SUPT3H: variants seen among roughly 807,000 people sequenced by gnomAD.
The protein encoded by SUPT3H is SPT3 homolog, SAGA and STAGA complex component, also known as transcription initiation protein SPT3 homolog.
A neutral mutation model predicts 44.3 loss-of-function variants in SUPT3H; 44 were observed. The ratio of observed to expected loss-of-function variants is 0.99; its 90% confidence interval spans 0.78 to 1.28. The LOEUF (loss-of-function observed/expected upper bound fraction) is 1.28. SUPT3H is among the 50% of genes most tolerant of loss of function. SUPT3H has a pLI of 0.00. For synonymous variants in SUPT3H, 124 were observed against 125.6 expected, an observed-to-expected ratio of 0.99 and a Z score of 0.09; for missense variants, 380 against 387.1, an observed-to-expected ratio of 0.98 and a Z score of 0.15.
chr6:44,833,981 C>T (rs748700464), intron 10 of SUPT3H, among the ~76,000 whole-genome samples: 4 of 152,172 alleles, frequency 2.6e-5, no homozygotes, highest in Non-Finnish European at 5.9e-5. Flanking sequence ...GCTTTCTCAA[C>T]TACTGCTTAT....
At chr6:45,180,582 A>G (rs1050580669) in intron 2 of SUPT3H, among the ~76,000 whole-genome samples, 80 of 151,508 alleles carry the variant, frequency 5.3e-4, no homozygotes, top group African/African-American at 1.9e-3. Flanking sequence ...CAACTATCTG[A>G]TCTTTGACAA....
chr6:45,082,248 C>T (rs1795908100), intron 3 of SUPT3H, among the ~76,000 whole-genome samples: 1 of 151,700 alleles, frequency 6.6e-6, no homozygotes, highest in Non-Finnish European at 1.5e-5. Flanking sequence ...TGAAACTATT[C>T]CAAAAAAATG....
intron 10 of SUPT3H, among the ~76,000 whole-genome samples, chr6:44,897,262 A>G (rs893651617): frequency 6.6e-6 from 1 of 152,236 alleles, no homozygotes; most frequent in African/African-American, 2.4e-5. Flanking sequence ...TTTCGACAGA[A>G]TATCGGGTTT....
chr6:44,887,588 A>G (rs1482239145), intron 10 of SUPT3H, among the ~76,000 whole-genome samples: 28 of 152,098 alleles, frequency 1.8e-4, no homozygotes, highest in Non-Finnish European at 4.1e-4. Context: ...AAGACACAAC[A>G]TACCAGAATC....
intron 2 of SUPT3H, among the ~76,000 whole-genome samples, chr6:45,186,155 T>C (rs1814177287): frequency 6.6e-6 from 1 of 152,130 alleles, no homozygotes; most frequent in Non-Finnish European, 1.5e-5. Context: ...GTAGTGGTAC[T>C]GGGGGAAAGG....
rs148872729 is a variant in SUPT3H at position 45,289,071 on chromosome 6, T to G, written c.101+76130A>C. ...ACATTTCTTTTAATAAGAAACTGTA[T>G]CTTAAAACATGGTTCTTTCTAATGT... On this transcript the variant is annotated intron_variant, in intron 2 of 10. Transcript: ENST00000371459. 2.6e-4 allele frequency among the ~76,000 whole-genome samples: 40 copies of G among 152,294 alleles called. 1 individual carries two copies. Among genetic ancestry groups the G allele is most frequent in the African/African-American group, 8.2e-4 (34 of 41,578 alleles).
chr6:45,099,645 A>T (rs112504199), intron 3 of SUPT3H, among the ~76,000 whole-genome samples: 34 of 152,336 alleles, frequency 2.2e-4, no homozygotes, highest in African/African-American at 7.9e-4. Context: ...TGTACCTGAC[A>T]AAACTGTAAA....
At chr6:45,260,211 G>C (rs1774124423) in intron 2 of SUPT3H, among the ~76,000 whole-genome samples, 2 of 152,110 alleles carry the variant, frequency 1.3e-5, no homozygotes, top group Admixed American at 1.3e-4. Context: ...CTTCTTTTCA[G>C]TAAATAAACT....
At chr6:45,192,793 C>A (rs12211519) in intron 2 of SUPT3H, among the ~76,000 whole-genome samples, 33,295 of 151,942 alleles carry the variant, frequency 0.22, 4,468 homozygotes, top group Non-Finnish European at 0.31. Flanking sequence ...ATCCCTACTG[C>A]AGAGAATTTA....
At chr6:45,038,833 A>C (rs1024759605) in intron 3 of SUPT3H, among the ~76,000 whole-genome samples, 2 of 152,170 alleles carry the variant, frequency 1.3e-5, no homozygotes, top group Admixed American at 1.3e-4. Context: ...GATAAGGACT[A>C]ATTTGGCAAT....
At chr6:44,948,921 G>A (rs571797941) in intron 9 of SUPT3H, among the ~76,000 whole-genome samples, 1 of 152,250 alleles carries the variant, frequency 6.6e-6, no homozygotes, top group Non-Finnish European at 1.5e-5. Flanking sequence ...AAATTATGTT[G>A]CTATAAAGAC....
chr6:45,076,605 T>C (rs2153555837), intron 3 of SUPT3H, among the ~76,000 whole-genome samples: 1 of 152,342 alleles, frequency 6.6e-6, no homozygotes, highest in East Asian at 1.9e-4. Flanking sequence ...AAAATGCTTT[T>C]GTACTTGTAA....
At chr6:44,870,042 G>T (rs1331101524) in intron 10 of SUPT3H, among the ~76,000 whole-genome samples, 1 of 152,152 alleles carries the variant, frequency 6.6e-6, no homozygotes, top group Non-Finnish European at 1.5e-5. Context: ...CCAATTATCA[G>T]CCAATTTTGC....
At chr6:45,242,929 T>C (rs1187222366) in intron 2 of SUPT3H, among the ~76,000 whole-genome samples, 2 of 152,168 alleles carry the variant, frequency 1.3e-5, no homozygotes, top group Non-Finnish European at 2.9e-5. Context: ...GCGTGGTGGC[T>C]CACGCCTGTA....
At chr6:45,290,224 A>T (rs896769796) in intron 2 of SUPT3H, among the ~76,000 whole-genome samples, 20 of 152,188 alleles carry the variant, frequency 1.3e-4, no homozygotes, top group African/African-American at 4.3e-4. Context: ...CCTTTGGACA[A>T]ATTCAATCTA....
intron 2 of SUPT3H, among the ~76,000 whole-genome samples, chr6:45,181,632 C>T (rs1250639250): frequency 4.7e-5 from 7 of 148,050 alleles, no homozygotes; most frequent in African/African-American, 1.5e-4. Context: ...AACCAAACAC[C>T]GCATATTCTC....
chr6:44,988,809 G>A (rs987522189), intron 6 of SUPT3H, among the ~76,000 whole-genome samples: 1 of 152,004 alleles, frequency 6.6e-6, no homozygotes, highest in Admixed American at 6.6e-5. Context: ...ATATGAGATT[G>A]TCTATTTCTC....
chr6:44,948,653 C>G (rs1773745313), intron 9 of SUPT3H, among the ~76,000 whole-genome samples: 1 of 152,214 alleles, frequency 6.6e-6, no homozygotes, highest in Non-Finnish European at 1.5e-5. Context: ...CTCATCATCA[C>G]TGGCCATCAG....
chr6:45,173,978 T>C (rs564314639), intron 2 of SUPT3H, among the ~76,000 whole-genome samples: 3 of 152,336 alleles, frequency 2.0e-5, no homozygotes, highest in African/African-American at 4.8e-5. Context: ...AAAGAGTTAC[T>C]GGAAAATAGG....
Sources: allele counts gnomAD v4.1 joint callset (sites outside exome capture counted in the v4.1 genomes callset), GRCh38; gene constraint gnomAD v4.1.1; transcripts MANE v1.5; gene names NCBI Gene and HGNC (gene_info 2026-07-23, HGNC 2026-07-21).